LINGO2: variants seen among roughly 807,000 people sequenced by gnomAD.
LINGO2 encodes the protein leucine-rich repeat and immunoglobulin-like domain-containing nogo receptor-interacting protein 2.
LINGO2 carries 14 observed loss-of-function variants against 30.6 expected under a neutral mutation model. The observed-to-expected ratio is 0.46, with a 90% CI of 0.30 to 0.72. LINGO2 has a LOEUF of 0.72. Among genes scored for constraint, LINGO2 ranks in the 30% least tolerant of loss-of-function variants. LINGO2 has a pLI of 0.07. For synonymous variants in LINGO2, 317 were observed against 288.5 expected (o/e 1.10, Z -1.00); for missense variants, 729 against 751.7 (o/e 0.97, Z 0.35).
At chr9:28,721,174 G>C in the LINGO2 span, among the ~76,000 whole-genome samples, 1 of 152,130 alleles carries the variant, frequency 6.6e-6, no homozygotes, top group African/African-American at 2.4e-5. Flanking sequence ...ATGCTGGTGA[G>C]GCTGTGGAGA....
intron 4 of LINGO2, among the ~76,000 whole-genome samples, chr9:28,021,356 C>G (rs1823112102): frequency 1.3e-5 from 2 of 152,140 alleles, no homozygotes; most frequent in Non-Finnish European, 2.9e-5. Context: ...CCATTGTAGT[C>G]TAAGTACATT....
chr9:28,937,703 C>G, the LINGO2 span, among the ~76,000 whole-genome samples: 1 of 152,144 alleles, frequency 6.6e-6, no homozygotes, highest in Non-Finnish European at 1.5e-5. Context: ...AAGGAGACAG[C>G]CTTGCACCTT....
chr9:29,010,008 A>C, the LINGO2 span, among the ~76,000 whole-genome samples: 1 of 152,284 alleles, frequency 6.6e-6, no homozygotes, highest in South Asian at 2.1e-4. Context: ...TGCCTTCCTT[A>C]CACCATATAC....
chr9:28,966,797 T>C, the LINGO2 span, among the ~76,000 whole-genome samples: 2 of 152,232 alleles, frequency 1.3e-5, no homozygotes, highest in East Asian at 1.9e-4. Context: ...GGAAGAGTTC[T>C]TTAAACAACA....
chr9:29,073,747 T>G, the LINGO2 span, among the ~76,000 whole-genome samples: 2 of 152,206 alleles, frequency 1.3e-5, no homozygotes, highest in Non-Finnish European at 2.9e-5. Flanking sequence ...AGATAATTTG[T>G]GGTTAATCTT....
At chr9:28,994,526 T>C in the LINGO2 span, among the ~76,000 whole-genome samples, 1 of 151,096 alleles carries the variant, frequency 6.6e-6, no homozygotes, top group African/African-American at 2.4e-5. Context: ...TACTTTAAAG[T>C]TCATATGGAA....
the LINGO2 span, among the ~76,000 whole-genome samples, chr9:28,897,128 A>G: frequency 6.6e-6 from 1 of 152,178 alleles, no homozygotes; most frequent in Non-Finnish European, 1.5e-5. Flanking sequence ...GTTACTACAT[A>G]GTTTGGTCTA....
At chr9:28,858,538 C>T in the LINGO2 span, among the ~76,000 whole-genome samples, 1 of 152,024 alleles carries the variant, frequency 6.6e-6, no homozygotes, top group Non-Finnish European at 1.5e-5. Flanking sequence ...CCAAAGGTCT[C>T]CATTTCTGTC....
chr9:28,106,207 C>T (rs1826587416), intron 4 of LINGO2, among the ~76,000 whole-genome samples: 1 of 152,120 alleles, frequency 6.6e-6, no homozygotes, highest in Non-Finnish European at 1.5e-5. Flanking sequence ...AAATCAGTCC[C>T]TGGTGCCAAA....
intron 4 of LINGO2, among the ~76,000 whole-genome samples, chr9:28,270,706 T>C (rs536526980): frequency 6.6e-6 from 1 of 152,146 alleles, no homozygotes; most frequent in African/African-American, 2.4e-5. Context: ...ATCGAATTTG[T>C]GCTTGTTGGG....
chr9:29,005,579 G>T, the LINGO2 span, among the ~76,000 whole-genome samples: 1 of 151,916 alleles, frequency 6.6e-6, no homozygotes, highest in Non-Finnish European at 1.5e-5. Context: ...AACATAAAAA[G>T]ATATACATGC....
chr9:28,696,125 T>G, the LINGO2 span, among the ~76,000 whole-genome samples: 1,768 of 152,042 alleles, frequency 0.012, 25 homozygotes, highest in Admixed American at 0.025. Flanking sequence ...CTTTAGTTGT[T>G]AGTTCTTTCC....
chr9:28,060,471 A>AG (rs1825108805), intron 4 of LINGO2, among the ~76,000 whole-genome samples: 1 of 152,156 alleles, frequency 6.6e-6, no homozygotes, highest in African/African-American at 2.4e-5. Flanking sequence ...AAGATTTTTT[A>AG]TTTACATTTT....
At chr9:28,487,051 A>C (rs1023033312) in intron 1 of LINGO2, among the ~76,000 whole-genome samples, 3 of 152,098 alleles carry the variant, frequency 2.0e-5, no homozygotes, top group Admixed American at 6.6e-5. Flanking sequence ...ATATAGAGTA[A>C]ACCATAGAAA....
the LINGO2 span, among the ~76,000 whole-genome samples, chr9:28,837,895 GA>G: frequency 6.6e-6 from 1 of 151,092 alleles, no homozygotes; most frequent in African/African-American, 2.4e-5. Context: ...GTGATTTCCA[GA>G]AAAAGTAGAT....
intron 1 of LINGO2, among the ~76,000 whole-genome samples, chr9:28,660,673 C>A (rs1206678999): frequency 1.3e-5 from 2 of 151,960 alleles, no homozygotes; most frequent in East Asian, 3.9e-4. Context: ...CTTGCTAATT[C>A]AGGATATGTT....
intron 2 of LINGO2, among the ~76,000 whole-genome samples, chr9:28,461,022 CTT>C (rs774463972): frequency 4.6e-5 from 7 of 152,076 alleles, no homozygotes; most frequent in Non-Finnish European, 7.4e-5. Flanking sequence ...ACCCTAAACA[CTT>C]GGGCATAAAT....
the LINGO2 span, among the ~76,000 whole-genome samples, chr9:28,869,576 A>G: frequency 6.6e-6 from 1 of 151,994 alleles, no homozygotes. Flanking sequence ...AGGAAGAAAA[A>G]AGATGAAAAT....
chr9:28,172,016 C>CAAAAAA lies in LINGO2; in HGVS notation c.-87+123186_-87+123191dup, dbSNP rs1197927884. ...CTGGTGACAGAGCAAGACTCCGTCT[C>CAAAAAA]AAAAAAAAAAAAAAAAACAAAAAAA... On this transcript the variant is annotated intron_variant, in intron 4 of 5. Transcript: ENST00000379992. 1.5e-3 allele frequency among the ~76,000 whole-genome samples: 66 copies of CAAAAAA among 44,004 alleles called. 1 individual carries two copies. Among genetic ancestry groups the CAAAAAA allele is most frequent in the East Asian group, 4.7e-3 (6 of 1,266 alleles). The allele number at this position is 44,004 out of a possible 152,430, so 28.9% of individuals were successfully genotyped here.
Sources: gnomAD v4.1 joint callset for allele counts (sites outside exome capture counted in the v4.1 genomes callset) on GRCh38, gnomAD v4.1.1 for gene constraint, MANE v1.5 for transcripts, NCBI Gene and HGNC (gene_info 2026-07-23, HGNC 2026-07-21) for gene names.